Variants in ARHGAP39 observed in about 807,000 individuals in gnomAD.
ARHGAP39 encodes rho GTPase-activating protein 39.
Under a neutral mutation model 106.9 loss-of-function variants are expected in ARHGAP39, and 44 were observed. That is an observed-to-expected ratio of 0.41 (90% CI 0.32 to 0.53). The LOEUF (loss-of-function observed/expected upper bound fraction) is 0.53, where lower values mean the gene tolerates loss of function less well. Ranked by LOEUF, ARHGAP39 falls within the 20% of genes least tolerant of loss-of-function variation. ARHGAP39 has a pLI of 0.21. For missense variants in ARHGAP39, 1,496 were observed against 1,577.3 expected, an observed-to-expected ratio of 0.95 and a Z score of 0.87; for synonymous variants, 768 against 693.2, an observed-to-expected ratio of 1.11 and a Z score of -1.69.
At chr8:144,680,915 C>A (rs1157402802) in intron 1 of ARHGAP39, among the ~76,000 whole-genome samples, 1 of 152,182 alleles carries the variant, frequency 6.6e-6, no homozygotes, top group African/African-American at 2.4e-5. Context: ...AATAAAATTA[C>A]TTTGTCACCA....
intron 1 of ARHGAP39, among the ~76,000 whole-genome samples, chr8:144,620,962 C>T (rs991002939): frequency 1.3e-5 from 2 of 152,260 alleles, no homozygotes; most frequent in Non-Finnish European, 2.9e-5. Context: ...GGCACAGACC[C>T]GTCCCTTGGC....
chr8:144,672,737 T>C, intron 1 of ARHGAP39, among the ~76,000 whole-genome samples: 1 of 152,200 alleles, frequency 6.6e-6, no homozygotes, highest in East Asian at 1.9e-4. Context: ...CCACTGAGAC[T>C]CAGCCATTCT....
Position 144,542,420 on chromosome 8 carries a change from G to A in ARHGAP39, c.2521+2829C>T, listed in dbSNP as rs549781065. On this transcript the variant is annotated intron_variant, in intron 6 of 11. Transcript: ENST00000377307. ...AGGCTCCTGAGGCTGAGGCAGGCAGGGTGCTCAGGGCGACGCACCAGGCTC... is the reference window on the plus strand; with the variant it reads ...AGGCTCCTGAGGCTGAGGCAGGCAGAGTGCTCAGGGCGACGCACCAGGCTC... Among the ~76,000 whole-genome samples, 125 of 152,110 alleles carry A rather than the reference G, an allele frequency of 8.2e-4. 1 individual carries two copies. Among genetic ancestry groups the A allele is most frequent in the African/African-American group, 2.7e-3 (114 of 41,512 alleles).
chr8:144,642,594 G>A (rs543776298), intron 1 of ARHGAP39, among the ~76,000 whole-genome samples: 4 of 152,190 alleles, frequency 2.6e-5, no homozygotes, highest in East Asian at 1.9e-4. Context: ...TAATCACCAC[G>A]TGTCATGAGA....
At position 144,647,129 on chromosome 8, in the gene ARHGAP39, C is replaced by T. The variant is rs565681667; in HGVS notation, c.-82+38557G>A. Among the ~76,000 whole-genome samples the T allele has an allele frequency of 1.3e-5, 2 of 152,120 alleles. No individual in the cohort carries two copies. Among genetic ancestry groups the T allele is most frequent in the East Asian group, 3.9e-4 (2 of 5,164 alleles). On this transcript the variant is annotated intron_variant, in intron 1 of 11. Coordinates refer to ENST00000377307, the MANE Select transcript of ARHGAP39 (RefSeq NM_025251.3). The surrounding 1 kb of genome is among the most constrained non-coding windows in gnomAD (Gnocchi z 4.8). ...GACTACAGCCACCCGCCACCATGCC[C>T]GGCTAATTTTTGTATTTTTCGTAGA...
chr8:144,653,481 G>GC (rs901530184), intron 1 of ARHGAP39, among the ~76,000 whole-genome samples: 21 of 152,196 alleles, frequency 1.4e-4, no homozygotes, highest in Middle Eastern at 6.8e-3. Flanking sequence ...GAAAAAAGAG[G>GC]CCCCTTCAAT....
rs994143369 is a variant in ARHGAP39 at position 144,645,233 on chromosome 8, G to A, written c.-81-39538C>T. Reference sequence around the variant, plus strand: ...GAAGAAGCTGGATGAAGTCACAGCCGTGAAACTCAGGCTGGAAGCTCTGGG... The same window carrying A: ...GAAGAAGCTGGATGAAGTCACAGCCATGAAACTCAGGCTGGAAGCTCTGGG... On this transcript the variant is annotated intron_variant, in intron 1 of 11. Transcript: ENST00000377307. The surrounding 1 kb of genome is among the most constrained non-coding windows in gnomAD (Gnocchi z 4.4). Among the ~76,000 whole-genome samples, 18 of 152,232 alleles carry A rather than the reference G, an allele frequency of 1.2e-4. No homozygotes were observed. The highest frequency in any genetic ancestry group is 1.7e-4 in the African/African-American group (7 of 41,458).
intron 6 of ARHGAP39, among the ~76,000 whole-genome samples, chr8:144,539,907 C>G (rs947535995): frequency 6.6e-6 from 1 of 152,178 alleles, no homozygotes; most frequent in East Asian, 1.9e-4. Flanking sequence ...TTAGAATCAG[C>G]CTGTCAATTT....
chr8:144,547,485 G>T lies in ARHGAP39; in HGVS notation c.1601C>A (p.Ala534Asp). 1 of 1,528,710 alleles carries T rather than the reference G, an allele frequency of 6.5e-7. No individual in the cohort carries two copies. The highest frequency in any genetic ancestry group is 1.4e-5 in the African/African-American group (1 of 73,212). 94.7% of individuals were successfully genotyped at this position (1,528,710 alleles called of 1,614,324 possible). A position where few individuals can be genotyped will look rare whatever the true frequency, so the allele number is the denominator to read the frequency against. Residue 534 changes from alanine (A) to aspartate (D), a missense_variant, in exon 5 of 12, where the codon GCC becomes GAC. Coordinates refer to ENST00000377307, the MANE Select transcript of ARHGAP39 (RefSeq NM_025251.3). This position sits in a 1 kb window ranked among gnomAD's most constrained non-coding sequence, Gnocchi z 5.2. ...EEQPPCGTSL[A>D]PVKRAEGEAE... Reference sequence around the variant, plus strand: ...CTCACCTTCCGCTCGCTTCACGGGGGCGAGGCTGGTCCCGCACGGGGGCTG... The same window carrying T: ...CTCACCTTCCGCTCGCTTCACGGGGTCGAGGCTGGTCCCGCACGGGGGCTG...
At position 144,529,634 on chromosome 8, in the gene ARHGAP39, A is replaced by G. The variant is rs979439757; in HGVS notation, c.*788T>C. 1.3e-5 allele frequency: 2 copies of G among 152,258 alleles called. No individual in the cohort carries two copies. The highest frequency in any genetic ancestry group is 4.8e-5 in the African/African-American group (2 of 41,448). The allele number at this position is 152,258 out of a possible 1,614,324, so 9.4% of individuals were successfully genotyped here. A position where few individuals can be genotyped will look rare whatever the true frequency, so the allele number is the denominator to read the frequency against. Reference sequence around the variant, plus strand: ...CGGAGGACGGGGACGGCTCAGAGATAAATAGCATTTAGGTTAAAACTATGT... The same window carrying G: ...CGGAGGACGGGGACGGCTCAGAGATGAATAGCATTTAGGTTAAAACTATGT... On this transcript the variant is annotated 3_prime_UTR_variant, in exon 12 of 12. Transcript: ENST00000377307.
chr8:144,592,171 T>C (rs1255077623), intron 2 of ARHGAP39, among the ~76,000 whole-genome samples: 1 of 152,210 alleles, frequency 6.6e-6, no homozygotes, highest in African/African-American at 2.4e-5. Flanking sequence ...CCCTTTTCAG[T>C]GCACTCCTGC....
rs528057227 is a variant in ARHGAP39, at chr8:144,602,451, G to A, written c.80+3084C>T. Among the ~76,000 whole-genome samples the A allele has an allele frequency of 9.7e-5, 14 of 144,240 alleles. 1 individual carries two copies. The highest frequency in any genetic ancestry group is 5.6e-4 in the Admixed American group (8 of 14,174). The allele number at this position is 144,240 out of a possible 152,430, so 94.6% of individuals were successfully genotyped here. ...TGTGTGTGCATGGAGTTGTGCGTGC[G>A]AGCTCGTGTACCTGTGCATGTGCGT... On this transcript the variant is annotated intron_variant, in intron 2 of 11. Transcript: ENST00000377307.
At chr8:144,546,999 G>C in intron 5 of ARHGAP39, 128 bp downstream of exon 5, 1 of 1,210,486 alleles carries the variant, frequency 8.3e-7, no homozygotes, top group Non-Finnish European at 1.1e-6. Context: ...CGGAGACACG[G>C]GGCTTCAGAA....
chr8:144,689,045 C>G (rs1192776040), upstream of ARHGAP39, among the ~76,000 whole-genome samples: 3 of 152,116 alleles, frequency 2.0e-5, no homozygotes, highest in Non-Finnish European at 4.4e-5. Context: ...AGAGTTTAAT[C>G]ACATCCACAC....
chr8:144,672,628 G>C (rs567520033), intron 1 of ARHGAP39, among the ~76,000 whole-genome samples: 1 of 152,206 alleles, frequency 6.6e-6, no homozygotes, highest in South Asian at 2.1e-4. Context: ...CTCTGTGTGC[G>C]CCTAGACCAG....
At chr8:144,612,893 T>C (rs1174615776) in intron 1 of ARHGAP39, among the ~76,000 whole-genome samples, 1 of 152,274 alleles carries the variant, frequency 6.6e-6, no homozygotes, top group African/African-American at 2.4e-5. Flanking sequence ...ATGTGAGTAT[T>C]GATTTTTTAT....
intron 1 of ARHGAP39, among the ~76,000 whole-genome samples, chr8:144,637,387 G>A (rs1292972108): frequency 2.6e-5 from 4 of 152,104 alleles, no homozygotes; most frequent in African/African-American, 7.2e-5. Flanking sequence ...TGAGGTGAGC[G>A]GATCATGAGG....
chr8:144,534,131 T>C lies in ARHGAP39; in HGVS notation c.2686A>G (p.Lys896Glu). The change falls in exon 8 of 12, where the codon AAG becomes GAG. Residue 896 changes from lysine (K) to glutamate (E), a missense_variant and splice_region_variant. Transcript: ENST00000377307. The stretch of plus-strand genomic sequence containing the variant: ...CGGCCCCCCAGGCGCACCCGTACCT[T>C]CTTGGCCCCGGTCAGGGCTGCCTTC... ...LQKAALTGAKKGLKKPNVEEI... is the reference protein window; with the variant it reads ...LQKAALTGAKEGLKKPNVEEI... 1 of 1,612,818 alleles carries C rather than the reference T, an allele frequency of 6.2e-7. No homozygotes were observed. Among genetic ancestry groups the C allele is most frequent in the Non-Finnish European group, 8.5e-7 (1 of 1,179,712 alleles).
In ARHGAP39 at chr8:144,679,910, G is replaced by A. The variant is rs1822351835; in HGVS notation, c.-82+5776C>T. Reference sequence around the variant, plus strand: ...CAGGAGAATGGCGTGAACCCAGGATGCGGAGCTTGCAGTGAGTCGAGATCG... The same window carrying A: ...CAGGAGAATGGCGTGAACCCAGGATACGGAGCTTGCAGTGAGTCGAGATCG... On this transcript the variant is annotated intron_variant, in intron 1 of 11. Coordinates refer to ENST00000377307, the MANE Select transcript of ARHGAP39 (RefSeq NM_025251.3). This position sits in a 1 kb window ranked among gnomAD's most constrained non-coding sequence, Gnocchi z 4.7. 6.6e-6 allele frequency among the ~76,000 whole-genome samples: 1 copy of A among 152,228 alleles called. No homozygotes were observed. The highest frequency in any genetic ancestry group is 1.5e-5 in the Non-Finnish European group (1 of 68,044).
Sources: gnomAD v4.1 joint callset for allele counts (sites outside exome capture counted in the v4.1 genomes callset) on GRCh38, gnomAD v4.1.1 for gene constraint, Gnocchi (gnomAD v3.1) non-coding constraint, MANE v1.5 for transcripts, NCBI Gene and HGNC (gene_info 2026-07-23, HGNC 2026-07-21) for gene names.